Variants in TEP1 observed in about 807,000 individuals in gnomAD.
TEP1 encodes the protein telomerase protein component 1.
A neutral mutation model predicts 306.3 loss-of-function variants in TEP1; 241 were observed. The observed-to-expected ratio is 0.79, with a 90% CI of 0.71 to 0.88. The LOEUF is 0.88. Among genes scored for constraint, TEP1 ranks in the 40% least tolerant of loss-of-function variants. The pLI is 0.00. For synonymous variants in TEP1, 1,289 were observed against 1,305.5 expected (o/e 0.99, Z 0.27); for missense variants, 3,051 against 3,276.1 (o/e 0.93, Z 1.68).
chr14:20,384,159 T>C lies in TEP1; in HGVS notation c.3413A>G (p.Gln1138Arg), dbSNP rs1327278003. 1 of 1,614,066 alleles carries C rather than the reference T, an allele frequency of 6.2e-7. No individual in the cohort carries two copies. The highest frequency in any genetic ancestry group is 8.5e-7 in the Non-Finnish European group (1 of 1,180,034). The change falls in exon 24 of 55, where the codon CAG (glutamine) becomes CGG (arginine). Residue 1138 changes from glutamine (Q) to arginine (R), a missense_variant. Around this residue, in one of 3 missense-constraint regions of TEP1, gnomAD observed 1,507 missense variants for 1,550.5 expected, o/e 0.97. Transcript: ENST00000262715. ...DLVQATFQQL[Q>R]KPPSPARPRL... ...TGGCCGGGCAGGACTCGGTGGCTTC[T>C]GCAGCTGCTGGAAGGTGGCCTGGAC...
intron 27 of TEP1, 144 bp downstream of exon 27, chr14:20,383,030 C>CTA (rs1407511579): frequency 6.9e-6 from 7 of 1,012,614 alleles, no homozygotes; most frequent in Non-Finnish European, 8.6e-6. Context: ...TCACAATTTT[C>CTA]TTATTAACAA....
Position 20,381,035 on chromosome 14 carries a change from C to G in TEP1, c.4658G>C (p.Gly1553Ala). The G allele has an allele frequency of 6.2e-7, 1 of 1,613,982 alleles. No individual in the cohort carries two copies. The highest frequency in any genetic ancestry group is 8.5e-7 in the Non-Finnish European group (1 of 1,179,898). Residue 1553 changes from glycine (G) to alanine (A), a missense_variant, in exon 33 of 55, where the codon GGG becomes GCG. Around this residue, in one of 3 missense-constraint regions of TEP1, gnomAD observed 1,540 missense variants for 1,705.9 expected, o/e 0.90. Coordinates refer to ENST00000262715, the MANE Select transcript of TEP1 (RefSeq NM_007110.5). The surrounding 1 kb of genome is among the most constrained non-coding windows in gnomAD (Gnocchi z 4.0). ...GDLPYHLLQS[G>A]NRGLLSKFLT... ...GAACTTCGAAAGAAGTCCACGGTTC[C>G]CGCTCTGGAGCTGAGAAGGTCAGAT...
intron 13 of TEP1, among the ~76,000 whole-genome samples, chr14:20,391,338 A>G (rs1367891074): frequency 4.6e-5 from 7 of 152,200 alleles, no homozygotes; most frequent in African/African-American, 1.4e-4. Flanking sequence ...AAAGTGAGAC[A>G]TATTTTGGTG....
intron 17 of TEP1, 125 bp from the exon 18 acceptor site, chr14:20,388,188 A>AG: frequency 1.0e-6 from 1 of 970,650 alleles, no homozygotes; most frequent in East Asian, 2.6e-5. Context: ...AAGCTCCTTA[A>AG]GAAGAGGACC....
At position 20,366,840 on chromosome 14, in the gene TEP1, A is replaced by G. The variant is rs535609549; in HGVS notation, c.*1597T>C. On this transcript the variant is annotated 3_prime_UTR_variant, in exon 55 of 55. Coordinates refer to ENST00000262715, the MANE Select transcript of TEP1 (RefSeq NM_007110.5). ...GACATTTCCTTCTTCTTTAACCCTC[A>G]GAAAGAAAGGGCCTGAGGAAACTAA... is the stretch of plus-strand genomic sequence containing the variant. 19 of 152,328 alleles carry G rather than the reference A, an allele frequency of 1.2e-4. No individual in the cohort carries two copies. The highest frequency in any genetic ancestry group is 2.4e-4 in the Non-Finnish European group (16 of 68,036). The allele number at this position is 152,328 out of a possible 1,614,324, so 9.4% of individuals were successfully genotyped here.
chr14:20,381,736 G>A lies in TEP1; in HGVS notation c.4425-50C>T, dbSNP rs1040758285. 3 of 1,545,686 alleles carry A rather than the reference G, an allele frequency of 1.9e-6. No individual in the cohort carries two copies. In the African/African-American group the frequency reaches 4.2e-5, roughly 21 times the overall value. ...GAGAAGAAGGAAGAGGCCTGTCAGT[G>A]AGCTTCCTGGCACACAGTGGGCTCC... On this transcript the variant is annotated intron_variant, in intron 30 of 54. Coordinates refer to ENST00000262715, the MANE Select transcript of TEP1 (RefSeq NM_007110.5). This position sits in a 1 kb window ranked among gnomAD's most constrained non-coding sequence, Gnocchi z 4.0.
intron 43 of TEP1, 70 bp downstream of exon 43, chr14:20,375,685 C>A: frequency 1.1e-6 from 1 of 944,594 alleles, no homozygotes. Context: ...AGAAAAAGGA[C>A]GAGGTGGGGA....
chr14:20,405,679 G>A, intron 3 of TEP1, 94 bp from the exon 4 acceptor site: 3 of 1,450,140 alleles, frequency 2.1e-6, no homozygotes, highest in South Asian at 2.6e-5. Flanking sequence ...CAAGGACAGA[G>A]AGAATGGACC....
chr14:20,402,175 G>A (rs1191335932), intron 7 of TEP1, among the ~76,000 whole-genome samples: 2 of 152,140 alleles, frequency 1.3e-5, no homozygotes, highest in Admixed American at 6.6e-5. Flanking sequence ...GGGCATGGTG[G>A]TGGATGTCTG....
At chr14:20,396,762 C>T in intron 9 of TEP1, 32 bp from the exon 10 acceptor site, 1 of 1,517,082 alleles carries the variant, frequency 6.6e-7, no homozygotes, top group South Asian at 1.2e-5. Context: ...GTGAGAAAAA[C>T]AAATGAGAAG....
Position 20,368,497 on chromosome 14 carries a change from G to A in TEP1, c.7824C>T (p.Ser2608=), listed in dbSNP as rs778532415. The change falls in exon 55 of 55, where the codon TCC becomes TCT. Residue 2608 remains serine, a synonymous_variant. Transcript: ENST00000262715. Reference sequence around the variant, plus strand: ...CGTCTCCCACGGCAAGCTGCAGGGTGGAGTTAGCGCCCAGCCAAGGTTCCA... The same window carrying A: ...CGTCTCCCACGGCAAGCTGCAGGGTAGAGTTAGCGCCCAGCCAAGGTTCCA... ...SCLEPWLGAN[S]TLQLAVGDVQ... The A allele has an allele frequency of 6.2e-7, 1 of 1,614,196 alleles. No homozygotes were observed. Among genetic ancestry groups the A allele is most frequent in the South Asian group, 1.1e-5 (1 of 91,088 alleles).
At chr14:20,384,789 G>T in intron 21 of TEP1, 76 bp from the exon 22 acceptor site, 3 of 1,511,006 alleles carry the variant, frequency 2.0e-6, no homozygotes, top group Non-Finnish European at 2.7e-6. Flanking sequence ...ACCAGACATA[G>T]CTGTAATTTC....
Position 20,381,714 on chromosome 14 carries a change from A to G in TEP1, c.4425-28T>C, listed in dbSNP as rs1428156061. ...GTCCTCGTGTGAGGAAGGGAGAGAG[A>G]AGAAGGAAGAGGCCTGTCAGTGAGC... is the stretch of plus-strand genomic sequence containing the variant. On this transcript the variant is annotated intron_variant, in intron 30 of 54. Transcript: ENST00000262715. This position sits in a 1 kb window ranked among gnomAD's most constrained non-coding sequence, Gnocchi z 4.0. 1 of 1,568,752 alleles carries G rather than the reference A, an allele frequency of 6.4e-7. No individual in the cohort carries two copies. The highest frequency in any genetic ancestry group is 1.2e-5 in the South Asian group (1 of 84,834).
chr14:20,380,403 T>C lies in TEP1; in HGVS notation c.4835A>G (p.Gln1612Arg). ...DVAVFRTFLR[Q>R]QASILSQYPR... Reference sequence around the variant, plus strand: ...GTACTGGCTGAGGATTGAAGCCTGCTGCCTCAGGAAGGTGCGAAACACTGC... The same window carrying C: ...GTACTGGCTGAGGATTGAAGCCTGCCGCCTCAGGAAGGTGCGAAACACTGC... The change falls in exon 34 of 55, where the codon CAG becomes CGG. Residue 1612 changes from glutamine (Q) to arginine (R), a missense_variant. By Grantham distance (43) the Gln-to-Arg change is conservative. This residue lies in a region of TEP1 where 1,540 missense variants were observed against 1,705.9 expected (regional missense o/e 0.90). Transcript: ENST00000262715. 1.9e-6 allele frequency: 3 copies of C among 1,614,214 alleles called. No homozygotes were observed. The highest frequency in any genetic ancestry group is 2.5e-6 in the Non-Finnish European group (3 of 1,180,046).
intron 17 of TEP1, 122 bp from the exon 18 acceptor site, chr14:20,388,185 T>TAAA: frequency 9.9e-7 from 1 of 1,013,046 alleles, no homozygotes. Context: ...GTCAAGCTCC[T>TAAA]TAAGAAGAGG....
Position 20,375,792 on chromosome 14 carries a change from C to G in TEP1, c.6326G>C (p.Trp2109Ser). 6.2e-7 allele frequency: 1 copy of G among 1,613,650 alleles called. No individual in the cohort carries two copies. The change falls in exon 43 of 55, where the codon TGG (tryptophan) becomes TCG (serine). Residue 2109 changes from tryptophan (W) to serine (S), a missense_variant. Physicochemically the swap from Trp to Ser is radical, Grantham distance 177. This residue lies in a region of TEP1 where 1,540 missense variants were observed against 1,705.9 expected (regional missense o/e 0.90). Transcript: ENST00000262715. Reference protein sequence around the residue: ...IHSFPACHRDWVTGCAWTKDN... With the variant: ...IHSFPACHRDSVTGCAWTKDN... ...TTTGGTCCAGGCACAGCCAGTGACCCAGTCACGGTGACAGGCAGGGAAGGA... is the reference window on the plus strand; with the variant it reads ...TTTGGTCCAGGCACAGCCAGTGACCGAGTCACGGTGACAGGCAGGGAAGGA...
At chr14:20,395,797 T>A (rs942361833) in intron 11 of TEP1, 62 bp downstream of exon 11, 31 of 1,561,360 alleles carry the variant, frequency 2.0e-5, no homozygotes, top group Non-Finnish European at 2.7e-5. Context: ...ATATTGGTGC[T>A]GCTGCTTCAT....
Position 20,383,650 on chromosome 14 carries a change from C to A in TEP1, c.3711-6G>T. Reference sequence around the variant, plus strand: ...GCAGCTCCCACACCAGGCTTCTGTACATGGAGAGGAAGTCAGGGTCAGTGG... The same window carrying A: ...GCAGCTCCCACACCAGGCTTCTGTAAATGGAGAGGAAGTCAGGGTCAGTGG... On this transcript the variant is annotated splice_region_variant and splice_polypyrimidine_tract_variant and intron_variant, in intron 25 of 54. Transcript: ENST00000262715. 3.7e-6 allele frequency: 6 copies of A among 1,612,574 alleles called. No individual in the cohort carries two copies. Among genetic ancestry groups the A allele is most frequent in the Non-Finnish European group, 5.1e-6 (6 of 1,179,540 alleles).
In TEP1 at chr14:20,396,711, G is replaced by C. The variant is rs752862513; in HGVS notation, c.1569C>G (p.Phe523Leu). The change falls in exon 10 of 55, where the codon TTC becomes TTG. Residue 523 changes from phenylalanine to leucine, a missense_variant. Around this residue, in one of 3 missense-constraint regions of TEP1, gnomAD observed 1,507 missense variants for 1,550.5 expected, o/e 0.97. Coordinates refer to ENST00000262715, the MANE Select transcript of TEP1 (RefSeq NM_007110.5). ...TGCACAGGTTCCGAAGCATGGCCAT[G>C]AAGGGAAGCTTCCCATTTTCTGTGG... ...EELIENGKLP[F>L]MAMLRNLCNL... The C allele has an allele frequency of 6.2e-7, 1 of 1,608,662 alleles. No individual in the cohort carries two copies. The highest frequency in any genetic ancestry group is 1.7e-4 in the Middle Eastern group (1 of 6,044).
Sources: gnomAD v4.1 joint callset for allele counts (sites outside exome capture counted in the v4.1 genomes callset) on GRCh38, gnomAD v4.1.1 for gene constraint, gnomAD v4.1.1 regional missense constraint, Gnocchi (gnomAD v3.1) non-coding constraint, MANE v1.5 for transcripts, NCBI Gene and HGNC (gene_info 2026-07-23, HGNC 2026-07-21) for gene names.